The following PDE1A variants were observed in gnomAD, a reference collection of about 807,000 sequenced individuals.
PDE1A encodes the protein phosphodiesterase 1A.
PDE1A carries 35 observed loss-of-function variants against 61.7 expected under a neutral mutation model. The ratio of observed to expected loss-of-function variants is 0.57; its 90% confidence interval spans 0.43 to 0.75. The LOEUF (loss-of-function observed/expected upper bound fraction) is 0.75. Among genes scored for constraint, PDE1A ranks in the 30% least tolerant of loss-of-function variants. PDE1A has a pLI of 0.00. For synonymous variants in PDE1A, 232 were observed against 213.2 expected (o/e 1.09, Z -0.77); for missense variants, 597 against 630.6 (o/e 0.95, Z 0.57).
Position 182,511,465 on chromosome 2 carries a change from T to C in PDE1A, c.101+10811A>G, listed in dbSNP as rs185307933. Among the ~76,000 whole-genome samples, 40 of 152,248 alleles carry C rather than the reference T, an allele frequency of 2.6e-4. 1 individual carries two copies. Among genetic ancestry groups the C allele is most frequent in the Admixed American group, 1.9e-3 (29 of 15,304 alleles). Reference sequence around the variant, plus strand: ...CTCTCACCACAGACCTCCAGAATCCTAGCTGCAGGAGACCCCATGACACAT... The same window carrying C: ...CTCTCACCACAGACCTCCAGAATCCCAGCTGCAGGAGACCCCATGACACAT... On this transcript the variant is annotated intron_variant, in intron 2 of 14. Coordinates refer to the PDE1A transcript ENST00000410103.
chr2:182,636,001 G>T, the PDE1A span, among the ~76,000 whole-genome samples: 1 of 122,502 alleles, frequency 8.2e-6, no homozygotes, highest in Non-Finnish European at 1.6e-5. Flanking sequence ...TTTTGCCCAG[G>T]CCGGACTGCA....
chr2:182,329,395 AT>A (rs955401484), intron 1 of PDE1A, among the ~76,000 whole-genome samples: 15 of 148,876 alleles, frequency 1.0e-4, no homozygotes, highest in East Asian at 2.0e-4. Flanking sequence ...TTATTTTATT[AT>A]TTTTTTTTTG....
chr2:182,502,617 G>A (rs1689151490), intron 2 of PDE1A, among the ~76,000 whole-genome samples: 2 of 152,114 alleles, frequency 1.3e-5, no homozygotes, highest in Non-Finnish European at 2.9e-5. Flanking sequence ...CAAAAGCATG[G>A]ATTTAAAAGA....
intron 10 of PDE1A, among the ~76,000 whole-genome samples, chr2:182,196,000 TA>T (rs1360443403): frequency 6.6e-6 from 1 of 152,136 alleles, no homozygotes; most frequent in Non-Finnish European, 1.5e-5. Context: ...CATTATGCAG[TA>T]TGACTAAGAA....
chr2:182,298,551 C>T (rs1009164940), intron 1 of PDE1A, among the ~76,000 whole-genome samples: 1 of 152,116 alleles, frequency 6.6e-6, no homozygotes, highest in Non-Finnish European at 1.5e-5. Context: ...AGAACCCCAA[C>T]AGAAGTGCCT....
At chr2:182,272,802 T>A (rs1283376961) in intron 1 of PDE1A, among the ~76,000 whole-genome samples, 1 of 152,070 alleles carries the variant, frequency 6.6e-6, no homozygotes, top group African/African-American at 2.4e-5. Context: ...AATATATGTA[T>A]GAAAAAATAC....
At chr2:182,269,412 CAGGAGG>C (rs1241297174) in intron 1 of PDE1A, among the ~76,000 whole-genome samples, 1 of 151,700 alleles carries the variant, frequency 6.6e-6, no homozygotes, top group East Asian at 1.9e-4. Flanking sequence ...CACTTGAACC[CAGGAGG>C]AGGAGGTTGT....
chr2:182,242,899 CCTCTCT>C (rs71340034), intron 2 of PDE1A, among the ~76,000 whole-genome samples: 13 of 103,752 alleles, frequency 1.3e-4, no homozygotes, highest in African/African-American at 5.9e-4. Context: ...TCTCTCTCTC[CCTCTCT>C]CTCTCTCTCT....
chr2:182,414,830 T>C (rs1212999572), intron 1 of PDE1A, among the ~76,000 whole-genome samples: 1 of 152,106 alleles, frequency 6.6e-6, no homozygotes, highest in African/African-American at 2.4e-5. Flanking sequence ...GAACAAATTA[T>C]CCAGATTAAA....
the PDE1A span, among the ~76,000 whole-genome samples, chr2:182,628,986 A>T: frequency 2.0e-3 from 311 of 152,172 alleles, 2 homozygotes; most frequent in African/African-American, 7.0e-3. Context: ...GCAGCAGGAG[A>T]TCTCCTGCTG....
the PDE1A span, among the ~76,000 whole-genome samples, chr2:182,649,210 A>G: frequency 6.6e-6 from 1 of 152,182 alleles, no homozygotes; most frequent in African/African-American, 2.4e-5. Context: ...CATATTAAAA[A>G]CAATCTTGGT....
At chr2:182,637,038 T>C in the PDE1A span, among the ~76,000 whole-genome samples, 2 of 152,200 alleles carry the variant, frequency 1.3e-5, no homozygotes, top group Non-Finnish European at 2.9e-5. Flanking sequence ...AAAACAATTA[T>C]TTACTTTTAA....
At chr2:182,272,083 A>G (rs1177517301) in intron 1 of PDE1A, among the ~76,000 whole-genome samples, 1 of 152,182 alleles carries the variant, frequency 6.6e-6, no homozygotes, top group East Asian at 1.9e-4. Flanking sequence ...GATGGATACT[A>G]GAATAATAAA....
intron 1 of PDE1A, among the ~76,000 whole-genome samples, chr2:182,412,001 T>C (rs1194944473): frequency 6.7e-6 from 1 of 149,208 alleles, no homozygotes; most frequent in Non-Finnish European, 1.5e-5. Flanking sequence ...GAGATTGCAG[T>C]GAGCCAACAC....
At chr2:182,273,310 A>G (rs1693167783) in intron 1 of PDE1A, among the ~76,000 whole-genome samples, 1 of 152,086 alleles carries the variant, frequency 6.6e-6, no homozygotes, top group South Asian at 2.1e-4. Flanking sequence ...TGACAAATTT[A>G]AAAGCCTGAA....
At chr2:182,278,089 A>G (rs1693556853) in intron 1 of PDE1A, among the ~76,000 whole-genome samples, 1 of 152,054 alleles carries the variant, frequency 6.6e-6, no homozygotes, top group African/African-American at 2.4e-5. Context: ...TTCATAAAAC[A>G]TATTTAATAT....
chr2:182,194,834 T>A (rs966130704), intron 10 of PDE1A, among the ~76,000 whole-genome samples: 6 of 150,654 alleles, frequency 4.0e-5, no homozygotes, highest in African/African-American at 1.2e-4. Flanking sequence ...AGAAAATGAT[T>A]TAGAAGTTAA....
chr2:182,295,057 CTTTTTT>C (rs11420821), intron 1 of PDE1A, among the ~76,000 whole-genome samples: 59 of 59,366 alleles, frequency 9.9e-4, no homozygotes, highest in African/African-American at 2.1e-3. Context: ...AAAAGGTAAT[CTTTTTT>C]TTTTTTTTTT....
rs559006534 is a variant in PDE1A, at chr2:182,479,677, G to A, written c.101+42599C>T. 1.0e-3 allele frequency among the ~76,000 whole-genome samples: 157 copies of A among 151,774 alleles called. 1 individual carries two copies. Among genetic ancestry groups the A allele is most frequent in the Middle Eastern group, 0.01 (3 of 294 alleles). On this transcript the variant is annotated intron_variant, in intron 2 of 14. Coordinates refer to the PDE1A transcript ENST00000410103. ...AAAAATTAAAAGATAAATATATATA[G>A]CATTTCAGTCTTTATCATATTCTGC...
Sources: gnomAD v4.1 joint callset for allele counts (sites outside exome capture counted in the v4.1 genomes callset) on GRCh38, gnomAD v4.1.1 for gene constraint, MANE v1.5 for transcripts, NCBI Gene and HGNC (gene_info 2026-07-23, HGNC 2026-07-21) for gene names.